Variants in FIP1L1 observed in about 807,000 individuals in gnomAD.
FIP1L1 encodes the protein factor interacting with PAPOLA and CPSF1, also known as pre-mRNA 3'-end-processing factor FIP1.
A neutral mutation model predicts 84.6 loss-of-function variants in FIP1L1; 21 were observed. The observed-to-expected ratio is 0.25, with a 90% CI of 0.18 to 0.36. The LOEUF is 0.36. FIP1L1 is among the 10% of genes least tolerant of loss of function. The probability of loss-of-function intolerance (pLI) is 1.00; values close to 1 mark genes in which losing one functional copy is unlikely to be tolerated. For synonymous variants in FIP1L1, 263 were observed against 242.3 expected (o/e 1.09, Z -0.80); for missense variants, 526 against 751.1 (o/e 0.70, Z 3.50).
chr4:53,458,880 T>C lies in FIP1L1; in HGVS notation c.1637+90T>C, dbSNP rs1030575898. 1.8e-5 allele frequency: 25 copies of C among 1,404,024 alleles called. No homozygotes were observed. The African/African-American group carries it at 2.8e-4, about 16-fold the overall frequency. The allele number at this position is 1,404,024 out of a possible 1,614,324, so 87.0% of individuals were successfully genotyped here. A position where few individuals can be genotyped will look rare whatever the true frequency, so the allele number is the denominator to read the frequency against. ...CATTGGAAGAGGGGAAATTTTGGCC[T>C]ATGAACCAGTCTTGCTTGGTTTCAT... is the stretch of plus-strand genomic sequence containing the variant. On this transcript the variant is annotated intron_variant, in intron 17 of 17. Transcript: ENST00000337488.
At chr4:53,440,693 C>T (rs776894197) in intron 13 of FIP1L1, 36 of 936,314 alleles carry the variant, frequency 3.8e-5, no homozygotes, top group Admixed American at 1.4e-4. Context: ...GGTGTTGATG[C>T]GGTTAGAATA....
chr4:53,432,204 T>C (rs969005177), intron 13 of FIP1L1, among the ~76,000 whole-genome samples: 2 of 151,942 alleles, frequency 1.3e-5, no homozygotes, highest in South Asian at 2.1e-4. Context: ...AAGATCAGCC[T>C]GGCCAACATG....
chr4:53,414,551 A>C (rs74778479), intron 10 of FIP1L1, 64 bp from the exon 11 acceptor site: 1 of 1,060,330 alleles, frequency 9.4e-7, no homozygotes, highest in East Asian at 2.5e-5. Flanking sequence ...AAAAAAAAAA[A>C]CAGAACAAGG....
chr4:53,416,099 G>A (rs1449989247), intron 11 of FIP1L1, among the ~76,000 whole-genome samples: 4 of 152,182 alleles, frequency 2.6e-5, no homozygotes. Context: ...GTAGAATGAA[G>A]TGTATGAGTC....
rs1771409694 is a variant in FIP1L1 at position 53,440,442 on chromosome 4, A to G, written c.1175-2211A>G. The G allele has an allele frequency of 5.3e-6, 3 of 561,490 alleles. No individual in the cohort carries two copies. In the South Asian group the frequency reaches 6.8e-5, roughly 13 times the overall value. The allele number at this position is 561,490 out of a possible 1,614,324, so 34.8% of individuals were successfully genotyped here. A position where few individuals can be genotyped will look rare whatever the true frequency, so the allele number is the denominator to read the frequency against. ...CGAATTGTTAGTCCTCTACGAGAAA[A>G]CAGAATGGTTCTCTTGAGTGAATAA... On this transcript the variant is annotated intron_variant, in intron 13 of 17. Coordinates refer to ENST00000337488, the MANE Select transcript of FIP1L1 (RefSeq NM_030917.4).
chr4:53,429,840 A>G (rs183870013), intron 13 of FIP1L1, among the ~76,000 whole-genome samples: 96 of 152,282 alleles, frequency 6.3e-4, no homozygotes, highest in African/African-American at 2.3e-3. Context: ...CAGTTTTGAA[A>G]TATACGGTTA....
chr4:53,382,999 G>A (rs1295651574), intron 4 of FIP1L1, among the ~76,000 whole-genome samples: 1 of 151,230 alleles, frequency 6.6e-6, no homozygotes, highest in Non-Finnish European at 1.5e-5. Context: ...TAACTATTTG[G>A]TACTTCTTAT....
At chr4:53,428,388 A>G (rs1765171975) in intron 13 of FIP1L1, among the ~76,000 whole-genome samples, 1 of 152,226 alleles carries the variant, frequency 6.6e-6, no homozygotes, top group Admixed American at 6.5e-5. Flanking sequence ...AAAATTAAGA[A>G]GAATATACAG....
chr4:53,390,457 T>G, intron 6 of FIP1L1, 64 bp from the exon 7 acceptor site: 1 of 934,416 alleles, frequency 1.1e-6, no homozygotes, highest in Non-Finnish European at 1.7e-6. Flanking sequence ...ATTTTCTGTT[T>G]GTCTATGGTA....
intron 13 of FIP1L1, 127 bp from the exon 14 acceptor site, chr4:53,442,523 TCCA>T: frequency 1.6e-6 from 1 of 628,704 alleles, no homozygotes; most frequent in Admixed American, 2.9e-5. Context: ...TTTTTTTCTG[TCCA>T]TTATTACAAC....
chr4:53,412,026 T>A (rs956365009), intron 10 of FIP1L1, among the ~76,000 whole-genome samples: 2 of 152,068 alleles, frequency 1.3e-5, no homozygotes, highest in Non-Finnish European at 2.9e-5. Context: ...CATTTGTTGT[T>A]GTCATTGAAA....
intron 11 of FIP1L1, among the ~76,000 whole-genome samples, chr4:53,423,792 A>G (rs1293705546): frequency 1.3e-5 from 2 of 152,192 alleles, no homozygotes; most frequent in South Asian, 2.1e-4. Context: ...GAAACATAGT[A>G]TTTGCCATTT....
chr4:53,419,944 C>T (rs1761455536), intron 11 of FIP1L1, among the ~76,000 whole-genome samples: 1 of 151,830 alleles, frequency 6.6e-6, no homozygotes, highest in Non-Finnish European at 1.5e-5. Flanking sequence ...CGCGGTGGCT[C>T]ACGCCTGTAA....
intron 11 of FIP1L1, among the ~76,000 whole-genome samples, chr4:53,418,294 TA>T (rs1044772634): frequency 6.6e-6 from 1 of 152,078 alleles, no homozygotes; most frequent in African/African-American, 2.4e-5. Context: ...AATAAATAAA[TA>T]AATACATAAA....
At chr4:53,393,752 AT>A (rs1745586419) in intron 9 of FIP1L1, among the ~76,000 whole-genome samples, 1 of 105,600 alleles carries the variant, frequency 9.5e-6, no homozygotes, top group Non-Finnish European at 1.9e-5. Flanking sequence ...ATATGCATAG[AT>A]TTTCCCCCCG....
chr4:53,445,993 C>A (rs1774027399), intron 15 of FIP1L1, among the ~76,000 whole-genome samples: 1 of 152,124 alleles, frequency 6.6e-6, no homozygotes, highest in African/African-American at 2.4e-5. Flanking sequence ...ATTGAATAGA[C>A]TCCGAAGGAT....
intron 15 of FIP1L1, among the ~76,000 whole-genome samples, 153 bp from the exon 16 acceptor site, chr4:53,452,767 T>C (rs1179295301): frequency 6.6e-6 from 1 of 152,242 alleles, no homozygotes; most frequent in East Asian, 1.9e-4. Context: ...TTTCTGGATC[T>C]TCCCGATACT....
At chr4:53,454,885 T>C (rs1718119263) in intron 16 of FIP1L1, among the ~76,000 whole-genome samples, 1 of 152,216 alleles carries the variant, frequency 6.6e-6, no homozygotes, top group Non-Finnish European at 1.5e-5. Flanking sequence ...TTGGTCTACA[T>C]TAAAAATGTG....
At chr4:53,456,768 G>C (rs980764198) in intron 16 of FIP1L1, among the ~76,000 whole-genome samples, 1 of 151,908 alleles carries the variant, frequency 6.6e-6, no homozygotes, top group Non-Finnish European at 1.5e-5. Flanking sequence ...GAAGGAGGAG[G>C]GTCTTTATAT....
Sources: allele counts gnomAD v4.1 joint callset (sites outside exome capture counted in the v4.1 genomes callset), GRCh38; gene constraint gnomAD v4.1.1; transcripts MANE v1.5; gene names NCBI Gene and HGNC (gene_info 2026-07-23, HGNC 2026-07-21).